Variants in LSAMP observed in about 807,000 individuals in gnomAD.
LSAMP encodes the protein limbic system-associated membrane protein.
LSAMP carries 7 observed loss-of-function variants against 38.6 expected under a neutral mutation model. The ratio of observed to expected loss-of-function variants is 0.18; its 90% CI spans 0.10 to 0.34. The LOEUF (loss-of-function observed/expected upper bound fraction) is 0.34. LSAMP is among the 10% of genes least tolerant of loss of function. The probability of loss-of-function intolerance (pLI) is 1.00; values close to 1 mark genes in which losing one functional copy is unlikely to be tolerated. For synonymous variants in LSAMP, 154 were observed against 166.8 expected, an observed-to-expected ratio of 0.92 and a Z score of 0.59; for missense variants, 313 against 420.0, an observed-to-expected ratio of 0.75 and a Z score of 2.23.
At chr3:115,927,880 A>G (rs1226197843) in intron 3 of LSAMP, among the ~76,000 whole-genome samples, 1 of 152,210 alleles carries the variant, frequency 6.6e-6, no homozygotes, top group Non-Finnish European at 1.5e-5. Flanking sequence ...CTCCAGCCAC[A>G]TACCTCGAGA....
At chr3:116,027,031 A>G (rs1186621928) in intron 2 of LSAMP, among the ~76,000 whole-genome samples, 1 of 152,238 alleles carries the variant, frequency 6.6e-6, no homozygotes, top group African/African-American at 2.4e-5. Flanking sequence ...TTTTTGACAA[A>G]CAACAAATGC....
chr3:116,279,353 G>C (rs74513895), intron 1 of LSAMP, among the ~76,000 whole-genome samples: 5,576 of 152,240 alleles, frequency 0.037, 132 homozygotes, highest in Middle Eastern at 0.068. Context: ...TTCCAACTAG[G>C]CTTTCCAAAA....
intron 1 of LSAMP, among the ~76,000 whole-genome samples, chr3:116,358,174 T>C (rs540360207): frequency 2.0e-5 from 3 of 152,276 alleles, no homozygotes; most frequent in Non-Finnish European, 2.9e-5. Context: ...AGGTAGAACA[T>C]AGCAGTGTCT....
intron 6 of LSAMP, among the ~76,000 whole-genome samples, chr3:115,826,224 C>T (rs1253914580): frequency 6.6e-6 from 1 of 152,152 alleles, no homozygotes; most frequent in East Asian, 1.9e-4. Context: ...ACATCATTCT[C>T]TTGCCTCAGC....
At position 116,119,568 on chromosome 3, in the gene LSAMP, T is replaced by G. The variant is rs184336835; in HGVS notation, c.156-33012A>C. Among the ~76,000 whole-genome samples, 8 of 152,162 alleles carry G rather than the reference T, an allele frequency of 5.3e-5. No individual in the cohort carries two copies. The East Asian group carries it at 1.5e-3, about 29-fold the overall frequency. ...ATACTACAGTTAATAGCAGGGATAT[T>G]ATAAATAGAGCACTGGACATTCAGC... On this transcript the variant is annotated intron_variant, in intron 1 of 6. Coordinates refer to ENST00000490035, the MANE Select transcript of LSAMP (RefSeq NM_002338.5).
chr3:115,978,623 G>A (rs1939260724), intron 3 of LSAMP, among the ~76,000 whole-genome samples: 1 of 151,440 alleles, frequency 6.6e-6, no homozygotes. Flanking sequence ...CTATCCTACA[G>A]TGATTACCTC....
chr3:115,880,974 G>A (rs1050647898), intron 3 of LSAMP, among the ~76,000 whole-genome samples: 23 of 151,806 alleles, frequency 1.5e-4, no homozygotes, highest in African/African-American at 5.6e-4. Flanking sequence ...AGAGGCCGAG[G>A]TTGCAGTGAA....
At chr3:116,212,587 C>A (rs1309593324) in intron 1 of LSAMP, among the ~76,000 whole-genome samples, 2 of 151,698 alleles carry the variant, frequency 1.3e-5, no homozygotes, top group Admixed American at 1.3e-4. Flanking sequence ...GTAAAATTAT[C>A]TTCAAAGACA....
At chr3:116,371,210 A>G (rs978400511) in intron 1 of LSAMP, among the ~76,000 whole-genome samples, 1 of 152,150 alleles carries the variant, frequency 6.6e-6, no homozygotes, top group Non-Finnish European at 1.5e-5. Flanking sequence ...TGAAGCTAGC[A>G]TTACCCTGAT....
intron 3 of LSAMP, among the ~76,000 whole-genome samples, chr3:115,912,332 G>A (rs1055259287): frequency 1.3e-5 from 2 of 152,160 alleles, no homozygotes; most frequent in Admixed American, 6.5e-5. Flanking sequence ...GGTGTTAGAC[G>A]TAGGTCAATG....
chr3:116,047,418 T>C (rs9827294), intron 2 of LSAMP, among the ~76,000 whole-genome samples: 3,680 of 150,220 alleles, frequency 0.024, 132 homozygotes, highest in African/African-American at 0.082. Flanking sequence ...AACTGTAAGG[T>C]AAAGTCAAAT....
chr3:116,226,785 A>T (rs2046346607), intron 1 of LSAMP, among the ~76,000 whole-genome samples: 1 of 152,232 alleles, frequency 6.6e-6, no homozygotes, highest in South Asian at 2.1e-4. Flanking sequence ...GCATATGATA[A>T]CAGGAAGTCT....
At chr3:116,403,810 G>T (rs573579693) in intron 1 of LSAMP, among the ~76,000 whole-genome samples, 83 of 152,088 alleles carry the variant, frequency 5.5e-4, no homozygotes, top group African/African-American at 1.2e-3. Context: ...GAGTGCAGGG[G>T]GGGTGATCAT....
intron 1 of LSAMP, among the ~76,000 whole-genome samples, chr3:116,189,967 A>T (rs893675348): frequency 6.6e-6 from 1 of 152,178 alleles, no homozygotes; most frequent in African/African-American, 2.4e-5. Context: ...GCATATATAC[A>T]TCAAAACATC....
chr3:115,951,966 G>T (rs767813868), intron 3 of LSAMP, among the ~76,000 whole-genome samples: 1 of 152,100 alleles, frequency 6.6e-6, no homozygotes, highest in African/African-American at 2.4e-5. Context: ...CATGAAAAAT[G>T]CTCAACATCA....
chr3:115,907,292 T>C (rs1037870460), intron 3 of LSAMP, among the ~76,000 whole-genome samples: 1 of 151,984 alleles, frequency 6.6e-6, no homozygotes, highest in African/African-American at 2.4e-5. Context: ...CTCAATATGA[T>C]GGCAGTAAAA....
intron 1 of LSAMP, among the ~76,000 whole-genome samples, chr3:116,122,402 T>G (rs1282542119): frequency 1.3e-5 from 2 of 152,244 alleles, no homozygotes; most frequent in Admixed American, 6.5e-5. Flanking sequence ...GGTTCCCTTT[T>G]GCTTTCTAGA....
intron 2 of LSAMP, among the ~76,000 whole-genome samples, chr3:116,061,607 C>T (rs1205688619): frequency 6.6e-6 from 1 of 152,238 alleles, no homozygotes; most frequent in African/African-American, 2.4e-5. Context: ...TAAGTTCCAA[C>T]ACCTCCAGTA....
intron 3 of LSAMP, among the ~76,000 whole-genome samples, chr3:115,938,663 C>T (rs560630878): frequency 5.9e-5 from 9 of 152,116 alleles, no homozygotes; most frequent in South Asian, 2.1e-4. Flanking sequence ...AATTCAGGTA[C>T]GAAAGAAGAT....
Sources: allele counts gnomAD v4.1 joint callset (sites outside exome capture counted in the v4.1 genomes callset), GRCh38; gene constraint gnomAD v4.1.1; transcripts MANE v1.5; gene names NCBI Gene and HGNC (gene_info 2026-07-23, HGNC 2026-07-21).